CBX5: variants seen among roughly 807,000 people sequenced by gnomAD.
CBX5 encodes the protein chromobox 5, also known as chromobox protein homolog 5.
A neutral mutation model predicts 20.7 loss-of-function variants in CBX5; 7 were observed. The ratio of observed to expected loss-of-function variants is 0.34; its 90% CI spans 0.19 to 0.63. CBX5 has a LOEUF of 0.63. CBX5 is among the 30% of genes least tolerant of loss of function. The pLI is 0.75. For missense variants in CBX5, 110 were observed against 224.1 expected, an observed-to-expected ratio of 0.49 and a Z score of 3.25; for synonymous variants, 78 against 77.0, an observed-to-expected ratio of 1.01 and a Z score of -0.07.
intron 1 of CBX5, among the ~76,000 whole-genome samples, chr12:54,264,027 C>T (rs530279198): frequency 5.9e-5 from 9 of 152,158 alleles, no homozygotes; most frequent in Admixed American, 2.0e-4. Context: ...TGGGAGACAG[C>T]GTGAGACTCC....
intron 2 of CBX5, among the ~76,000 whole-genome samples, chr12:54,257,004 C>G (rs535619707): frequency 6.6e-5 from 10 of 152,272 alleles, no homozygotes; most frequent in Admixed American, 2.6e-4. Context: ...GCTGGGATTA[C>G]AGGGACCTGC....
intron 1 of CBX5, chr12:54,271,856 T>G (rs1314314143): frequency 6.6e-6 from 1 of 152,218 alleles, no homozygotes; most frequent in Non-Finnish European, 1.5e-5. Flanking sequence ...TAAAAAAATT[T>G]TAATGAATTT....
chr12:54,274,802 T>C (rs529340139), intron 1 of CBX5, among the ~76,000 whole-genome samples: 1 of 152,060 alleles, frequency 6.6e-6, no homozygotes, highest in African/African-American at 2.4e-5. Context: ...TAGCCAGGCA[T>C]GGTGGCACGT....
intron 1 of CBX5, chr12:54,271,829 TTAA>T (rs746557478): frequency 1.3e-5 from 2 of 152,238 alleles, no homozygotes; most frequent in Non-Finnish European, 2.9e-5. Flanking sequence ...GGAAAAATGT[TTAA>T]TAATCAAGGA....
chr12:54,279,565 T>C (rs61088893), intron 1 of CBX5, among the ~76,000 whole-genome samples: 217 of 152,266 alleles, frequency 1.4e-3, no homozygotes, highest in African/African-American at 5.0e-3. Flanking sequence ...CCCAGCGCTT[T>C]CCTTAGGCTG....
chr12:54,254,768 G>A (rs531698077), intron 2 of CBX5, among the ~76,000 whole-genome samples: 57 of 151,672 alleles, frequency 3.8e-4, no homozygotes, highest in South Asian at 6.3e-4. Context: ...CAGGAGAATC[G>A]TTTGAACCCG....
rs989028999 is a variant in CBX5, at chr12:54,241,102, G to C, written c.*653C>G. 3.3e-5 allele frequency: 5 copies of C among 152,156 alleles called. No individual in the cohort carries two copies. Among genetic ancestry groups the C allele is most frequent in the African/African-American group, 1.2e-4 (5 of 41,414 alleles). 9.4% of individuals were successfully genotyped at this position (152,156 alleles called of 1,614,324 possible). ...GTCCTGGGGCTAAAAAGAGTGTCTT[G>C]ACAGATTTCAGTGTAAAATTTCAAA... On this transcript the variant is annotated 3_prime_UTR_variant, in exon 5 of 5. Coordinates refer to ENST00000209875, the MANE Select transcript of CBX5 (RefSeq NM_012117.3).
At position 54,246,209 on chromosome 12, in the gene CBX5, T is replaced by C; in HGVS notation, c.331A>G (p.Asn111Asp). The part of the protein sequence containing the change: ...IKSKKKREQS[N>D]DIARGFERGL... ...CTCTCAAAGCCCCGAGCGATATCAT[T>C]GCTCTGCTATAAATAGAAGATAAAG... is the stretch of plus-strand genomic sequence containing the variant. The change falls in exon 4 of 5, where the codon AAT becomes GAT. Residue 111 changes from asparagine (N) to aspartate (D), a missense_variant. By Grantham distance (23) the Asn-to-Asp change is conservative. Coordinates refer to ENST00000209875, the MANE Select transcript of CBX5 (RefSeq NM_012117.3). 6.2e-7 allele frequency: 1 copy of C among 1,607,040 alleles called. No homozygotes were observed. The highest frequency in any genetic ancestry group is 8.5e-7 in the Non-Finnish European group (1 of 1,173,606).
chr12:54,252,696 G>A (rs1943818479), intron 2 of CBX5, among the ~76,000 whole-genome samples: 1 of 152,092 alleles, frequency 6.6e-6, no homozygotes. Flanking sequence ...GAGACAGAAA[G>A]CAGATCAGCC....
chr12:54,255,286 G>A (rs1046365998), intron 2 of CBX5, among the ~76,000 whole-genome samples: 3 of 152,162 alleles, frequency 2.0e-5, no homozygotes, highest in South Asian at 2.1e-4. Flanking sequence ...AAAGCAGGGC[G>A]TGGTGGCTCA....
At chr12:54,247,892 G>A (rs1943753011) in intron 3 of CBX5, among the ~76,000 whole-genome samples, 3 of 150,330 alleles carry the variant, frequency 2.0e-5, no homozygotes, top group Admixed American at 6.7e-5. Context: ...CCAGGCTGGA[G>A]TGCAGTGCCA....
Position 54,249,284 on chromosome 12 carries a change from C to T in CBX5, c.324+2757G>A, listed in dbSNP as rs548233812. On this transcript the variant is annotated intron_variant, in intron 3 of 4. Transcript: ENST00000209875. ...ACTAGGGAGGGTGAAGCAGGAGAAT[C>T]GCTTGAACCCAGGAGGCAGAGGTTG... Among the ~76,000 whole-genome samples the T allele has an allele frequency of 5.9e-5, 9 of 151,920 alleles. No homozygotes were observed. In the South Asian group the frequency reaches 1.5e-3, roughly 25 times the overall value.
Position 54,241,537 on chromosome 12 carries a change from T to C in CBX5, c.*218A>G, listed in dbSNP as rs1301243599. The C allele has an allele frequency of 1.2e-5, 6 of 517,284 alleles. No homozygotes were observed. Among genetic ancestry groups the C allele is most frequent in the Non-Finnish European group, 2.0e-5 (6 of 296,254 alleles). The allele number at this position is 517,284 out of a possible 1,614,324, so 32.0% of individuals were successfully genotyped here. On this transcript the variant is annotated 3_prime_UTR_variant, in exon 5 of 5. Coordinates refer to ENST00000209875, the MANE Select transcript of CBX5 (RefSeq NM_012117.3). ...AAAAAATTGTGGGTATTACACTCAG[T>C]ATGTAAATGCCTGGTCTTCACAGAG...
chr12:54,276,333 A>T (rs960310781), intron 1 of CBX5, among the ~76,000 whole-genome samples: 5 of 152,188 alleles, frequency 3.3e-5, no homozygotes, highest in Non-Finnish European at 7.4e-5. Context: ...CCTACCTTAA[A>T]TGTGTTCAGA....
At position 54,260,708 on chromosome 12, in the gene CBX5, GAGAAA is replaced by G. The variant is rs1462639925; in HGVS notation, c.-42-3021_-42-3017del. On this transcript the variant is annotated intron_variant, in intron 1 of 4. Transcript: ENST00000209875. ...TCTGTATCAGTATGTCTCAATACTT[GAGAAA>G]AGGAGTACTAGGATAAATAAAAAAG... Among the ~76,000 whole-genome samples the G allele has an allele frequency of 5.3e-5, 8 of 152,066 alleles. 1 individual carries two copies. Among genetic ancestry groups the G allele is most frequent in the Admixed American group, 5.2e-4 (8 of 15,268 alleles).
At chr12:54,269,619 C>T (rs1189710907) in intron 1 of CBX5, among the ~76,000 whole-genome samples, 2 of 152,118 alleles carry the variant, frequency 1.3e-5, no homozygotes, top group Admixed American at 1.3e-4. Flanking sequence ...GAACTCCTGA[C>T]CTCGTGATCC....
intron 1 of CBX5, among the ~76,000 whole-genome samples, chr12:54,266,779 A>G (rs1383653996): frequency 1.3e-5 from 2 of 152,158 alleles, no homozygotes; most frequent in African/African-American, 4.8e-5. Context: ...TCATCATTTT[A>G]TATTGGATTT....
chr12:54,254,505 T>C (rs747351638), intron 2 of CBX5, among the ~76,000 whole-genome samples: 4 of 151,830 alleles, frequency 2.6e-5, no homozygotes, highest in Non-Finnish European at 4.4e-5. Context: ...TATTTCTAAA[T>C]CATTTGAGCT....
At chr12:54,255,888 G>C (rs536999168) in intron 2 of CBX5, 1 of 152,446 alleles carries the variant, frequency 6.6e-6, no homozygotes, top group Non-Finnish European at 1.5e-5. Context: ...CTGGGACCAC[G>C]GGTACATACC....
Sources: allele counts gnomAD v4.1 joint callset (sites outside exome capture counted in the v4.1 genomes callset), GRCh38; gene constraint gnomAD v4.1.1; transcripts MANE v1.5; gene names NCBI Gene and HGNC (gene_info 2026-07-23, HGNC 2026-07-21).